Variants in FER observed in about 807,000 individuals in gnomAD.
FER encodes the protein tyrosine-protein kinase Fer.
FER carries 63 observed loss-of-function variants against 111.0 expected under a neutral mutation model. The observed-to-expected ratio is 0.57, with a 90% CI of 0.46 to 0.70. The LOEUF (loss-of-function observed/expected upper bound fraction) is 0.70, where lower values mean the gene tolerates loss of function less well. Among genes scored for constraint, FER ranks in the 30% least tolerant of loss-of-function variants. The pLI, the probability that FER is intolerant of heterozygous loss-of-function variation, is 0.00. For missense variants in FER, 914 were observed against 954.0 expected (o/e 0.96, Z 0.55); for synonymous variants, 327 against 313.9 (o/e 1.04, Z -0.44).
intron 10 of FER, among the ~76,000 whole-genome samples, chr5:108,936,075 A>G (rs1161863227): frequency 6.6e-6 from 1 of 152,038 alleles, no homozygotes; most frequent in African/African-American, 2.4e-5. Context: ...CTGAATTTAA[A>G]TTTCGGCTGC....
At chr5:108,959,589 C>G (rs1758889380) in intron 13 of FER, among the ~76,000 whole-genome samples, 1 of 151,648 alleles carries the variant, frequency 6.6e-6, no homozygotes, top group Non-Finnish European at 1.5e-5. Context: ...TTTTTTTCCC[C>G]TTTCCTAGTT....
chr5:109,025,078 G>T (rs1231399580), intron 13 of FER, among the ~76,000 whole-genome samples: 2 of 151,994 alleles, frequency 1.3e-5, no homozygotes, highest in Non-Finnish European at 2.9e-5. Context: ...TGTTCTTTTG[G>T]CTTAGGATTG....
chr5:109,025,724 T>A (rs1369714445), intron 13 of FER, among the ~76,000 whole-genome samples: 1 of 151,906 alleles, frequency 6.6e-6, no homozygotes, highest in Non-Finnish European at 1.5e-5. Flanking sequence ...TGCTTCTAGT[T>A]TTTGCCCATT....
chr5:109,105,885 A>G (rs1216585335), intron 17 of FER, among the ~76,000 whole-genome samples: 2 of 152,230 alleles, frequency 1.3e-5, no homozygotes, highest in Non-Finnish European at 2.9e-5. Context: ...ATGGATTCCA[A>G]AAGCCTGGAA....
chr5:109,139,686 C>A (rs1377676243), intron 17 of FER, among the ~76,000 whole-genome samples: 1 of 152,064 alleles, frequency 6.6e-6, no homozygotes, highest in Non-Finnish European at 1.5e-5. Context: ...TGAAAGCAAA[C>A]CCCCAGTTTT....
chr5:109,086,041 C>A (rs1413910270), intron 16 of FER, among the ~76,000 whole-genome samples: 3 of 151,658 alleles, frequency 2.0e-5, no homozygotes, highest in Non-Finnish European at 3.0e-5. Flanking sequence ...CAAGGTTATA[C>A]AGGACTCATA....
chr5:109,061,012 C>T (rs192427902), intron 16 of FER, among the ~76,000 whole-genome samples: 2 of 152,252 alleles, frequency 1.3e-5, no homozygotes, highest in Admixed American at 1.3e-4. Flanking sequence ...TAACCTGATA[C>T]TTGTGTAGTC....
intron 10 of FER, among the ~76,000 whole-genome samples, chr5:108,943,403 C>A (rs1027869483): frequency 1.3e-5 from 2 of 152,096 alleles, no homozygotes; most frequent in Admixed American, 1.3e-4. Context: ...GAACCTTATT[C>A]CTTTGCCTTA....
chr5:108,993,131 C>A (rs1315567012), intron 13 of FER, among the ~76,000 whole-genome samples: 1 of 151,332 alleles, frequency 6.6e-6, no homozygotes, highest in Non-Finnish European at 1.5e-5. Flanking sequence ...ACTTCCCAGA[C>A]GGGGTGGCGG....
At chr5:109,031,909 A>G (rs1769680131) in intron 13 of FER, among the ~76,000 whole-genome samples, 1 of 152,202 alleles carries the variant, frequency 6.6e-6, no homozygotes, top group South Asian at 2.1e-4. Context: ...ATCTAAGTTT[A>G]TCTTTAACTC....
At position 108,832,994 on chromosome 5, in the gene FER, C is replaced by T. The variant is rs373431678; in HGVS notation, c.381+51C>T. The T allele has an allele frequency of 3.5e-5, 52 of 1,473,954 alleles. No homozygotes were observed. The African/African-American group carries it at 5.8e-4, about 16-fold the overall frequency. 91.3% of individuals were successfully genotyped at this position (1,473,954 alleles called of 1,614,324 possible). ...TTCTTGAAATTGTTTTCCAAATTCACAGAAATATTTTACCTTATTTGGCTT... is the reference window on the plus strand; with the variant it reads ...TTCTTGAAATTGTTTTCCAAATTCATAGAAATATTTTACCTTATTTGGCTT... On this transcript the variant is annotated intron_variant, in intron 4 of 19. Coordinates refer to ENST00000281092, the MANE Select transcript of FER (RefSeq NM_005246.4).
intron 10 of FER, among the ~76,000 whole-genome samples, chr5:108,937,882 C>T (rs1001373727): frequency 6.6e-6 from 1 of 151,452 alleles, no homozygotes; most frequent in Non-Finnish European, 1.5e-5. Context: ...ATATATAACT[C>T]TTTTAGGAAT....
At chr5:108,850,325 T>G (rs1762433568) in intron 5 of FER, among the ~76,000 whole-genome samples, 1 of 152,220 alleles carries the variant, frequency 6.6e-6, no homozygotes, top group Admixed American at 6.5e-5. Flanking sequence ...TTATTTTGTT[T>G]CATAAATTAA....
At chr5:108,998,682 A>T (rs974478175) in intron 13 of FER, among the ~76,000 whole-genome samples, 1 of 152,152 alleles carries the variant, frequency 6.6e-6, no homozygotes, top group Non-Finnish European at 1.5e-5. Context: ...GTTGCATTTT[A>T]TCGAAGGCCT....
chr5:108,835,750 C>T lies in FER; in HGVS notation c.424C>T (p.Gln142Ter). 1 of 1,568,142 alleles carries T rather than the reference C, an allele frequency of 6.4e-7. No homozygotes were observed. The highest frequency in any genetic ancestry group is 8.6e-7 in the Non-Finnish European group (1 of 1,164,390). ...ELEKLKCSYR[Q>*]LIKEMNSAKE... ...GGAGAAGTTAAAATGCAGCTATAGA[C>T]AATTAATAAAAGAAATGAATTCTGC... is the stretch of plus-strand genomic sequence containing the variant. The change falls in exon 5 of 20, where the codon CAA (glutamine) becomes TAA (stop). Residue 142 changes from glutamine to a stop codon, truncating the protein, a stop_gained. Coordinates refer to ENST00000281092, the MANE Select transcript of FER (RefSeq NM_005246.4). LOFTEE classifies it high-confidence loss of function.
chr5:109,038,433 TTGAC>T (rs1164467060), intron 14 of FER, among the ~76,000 whole-genome samples: 3 of 151,972 alleles, frequency 2.0e-5, no homozygotes, highest in Admixed American at 1.3e-4. Context: ...ACTTGATGAA[TTGAC>T]TATTTTCCCC....
chr5:109,056,963 A>G (rs1424275753), intron 16 of FER, among the ~76,000 whole-genome samples: 1 of 152,194 alleles, frequency 6.6e-6, no homozygotes, highest in African/African-American at 2.4e-5. Context: ...CAGTTTCTAT[A>G]GAAAGGCTTG....
intron 13 of FER, among the ~76,000 whole-genome samples, chr5:108,990,321 T>C (rs1420594163): frequency 1.3e-5 from 2 of 151,878 alleles, no homozygotes; most frequent in Non-Finnish European, 3.0e-5. Context: ...TTAAAAAATA[T>C]GGTTGATAAT....
intron 13 of FER, among the ~76,000 whole-genome samples, chr5:109,020,845 C>T (rs1767826214): frequency 6.6e-6 from 1 of 151,960 alleles, no homozygotes; most frequent in South Asian, 2.1e-4. Context: ...TATTGAAGAA[C>T]TGTAGAGAAA....
Sources: gnomAD v4.1 joint callset for allele counts (sites outside exome capture counted in the v4.1 genomes callset) on GRCh38, gnomAD v4.1.1 for gene constraint, MANE v1.5 for transcripts, NCBI Gene and HGNC (gene_info 2026-07-23, HGNC 2026-07-21) for gene names.